SLC4A4: variants seen among roughly 807,000 people sequenced by gnomAD.
The protein encoded by SLC4A4 is electrogenic sodium bicarbonate cotransporter 1.
Under a neutral mutation model 111.5 loss-of-function variants are expected in SLC4A4, and 27 were observed. The observed-to-expected ratio is 0.24, with a 90% CI of 0.18 to 0.33. The LOEUF (loss-of-function observed/expected upper bound fraction) is 0.33, where lower values mean the gene tolerates loss of function less well. SLC4A4 is among the 10% of genes least tolerant of loss of function. The pLI is 1.00. For missense variants in SLC4A4, 909 were observed against 1,315.5 expected (o/e 0.69, Z 4.78); for synonymous variants, 443 against 463.4 (o/e 0.96, Z 0.57).
intron 2 of SLC4A4, among the ~76,000 whole-genome samples, chr4:71,253,634 A>G (rs1231678296): frequency 2.0e-5 from 3 of 152,128 alleles, no homozygotes; most frequent in Non-Finnish European, 4.4e-5. Flanking sequence ...ACAGGAAACA[A>G]TTGACACTGT....
chr4:71,230,473 A>G (rs1014998415), intron 1 of SLC4A4, among the ~76,000 whole-genome samples: 1 of 152,252 alleles, frequency 6.6e-6, no homozygotes, highest in Non-Finnish European at 1.5e-5. Context: ...TTGGCTATGC[A>G]CCAGAAAGCT....
chr4:71,082,903 G>A (rs1742032791), intron 1 of SLC4A4, among the ~76,000 whole-genome samples: 1 of 151,292 alleles, frequency 6.6e-6, no homozygotes. Flanking sequence ...ACCCAGACTG[G>A]AGTGCAGTCA....
intron 3 of SLC4A4, among the ~76,000 whole-genome samples, chr4:71,277,556 C>T (rs371166739): frequency 6.7e-6 from 1 of 148,304 alleles, no homozygotes; most frequent in Admixed American, 6.8e-5. Flanking sequence ...CTTTCTCTTT[C>T]TCTTTTTCTT....
At chr4:71,334,668 T>C (rs972889306) in intron 3 of SLC4A4, among the ~76,000 whole-genome samples, 1 of 152,220 alleles carries the variant, frequency 6.6e-6, no homozygotes, top group African/African-American at 2.4e-5. Flanking sequence ...CAGGTGCCTA[T>C]ATGTAATAAA....
chr4:71,089,959 G>A (rs191816469), intron 1 of SLC4A4, among the ~76,000 whole-genome samples: 36,335 of 83,048 alleles, frequency 0.44, 11,124 homozygotes, highest in East Asian at 0.65. Flanking sequence ...AGAGAATTCT[G>A]TTGCCTTTTG....
intron 2 of SLC4A4, among the ~76,000 whole-genome samples, chr4:71,122,261 C>T (rs907075691): frequency 2.7e-5 from 4 of 146,768 alleles, no homozygotes; most frequent in Non-Finnish European, 5.9e-5. Context: ...TGCAGTGAGC[C>T]GAGATCACGC....
At chr4:71,466,190 C>T (rs1727293372) in intron 12 of SLC4A4, among the ~76,000 whole-genome samples, 1 of 152,064 alleles carries the variant, frequency 6.6e-6, no homozygotes, top group South Asian at 2.1e-4. Flanking sequence ...TACACACCAG[C>T]CATCATAGTA....
chr4:71,332,546 G>A (rs1237780283), intron 3 of SLC4A4, among the ~76,000 whole-genome samples: 4 of 150,962 alleles, frequency 2.6e-5, no homozygotes, highest in East Asian at 2.0e-4. Context: ...CCGGGTTCAC[G>A]CCATTCTCCT....
chr4:71,419,171 G>T, intron 7 of SLC4A4, among the ~76,000 whole-genome samples: 1 of 152,210 alleles, frequency 6.6e-6, no homozygotes, highest in East Asian at 1.9e-4. Context: ...GAGGCAGTCT[G>T]CCCGTTCTCA....
chr4:71,357,221 T>A (rs1730362663), intron 6 of SLC4A4, 34 bp downstream of exon 6: 1 of 1,601,200 alleles, frequency 6.2e-7, no homozygotes, highest in Admixed American at 1.7e-5. Flanking sequence ...CTGCTTTCTC[T>A]TACTTATTTC....
At chr4:71,370,129 T>G (rs1029781223) in intron 6 of SLC4A4, among the ~76,000 whole-genome samples, 1 of 152,222 alleles carries the variant, frequency 6.6e-6, no homozygotes, top group African/African-American at 2.4e-5. Context: ...GCTATTTAAT[T>G]TTCTGAAGAA....
chr4:71,567,871 A>G lies in SLC4A4; in HGVS notation c.*120A>G. The G allele has an allele frequency of 3.3e-6, 5 of 1,524,268 alleles. No individual in the cohort carries two copies. The highest frequency in any genetic ancestry group is 4.4e-6 in the Non-Finnish European group (5 of 1,127,260). 94.4% of individuals were successfully genotyped at this position (1,524,268 alleles called of 1,614,324 possible). On this transcript the variant is annotated 3_prime_UTR_variant, in exon 26 of 26. Transcript: ENST00000264485. ...GACAATGATTATTTCTGGAGGAGCA[A>G]GGGAACAGAAACTACATTGTAACCT...
chr4:71,068,061 C>CTTTTTTTTTTTTTTTTTTTTTTTT lies in SLC4A4; in HGVS notation c.-65+5273_-65+5274insTTTTTTTTTTTTTTTTTTTTTTTT, dbSNP rs138059694. On this transcript the variant is annotated intron_variant, in intron 1 of 26. Coordinates refer to the SLC4A4 transcript ENST00000649996. ...ACTGCATATGGCCTTTTTGAACAAACGTTTTTTTTTTTTTTTTTTTGAGAT... is the reference window on the plus strand; with the variant it reads ...ACTGCATATGGCCTTTTTGAACAAACTTTTTTTTTTTTTTTTTTTTTTTTGTTTTTTTTTTTTTTTTTTTGAGAT... Among the ~76,000 whole-genome samples, 4 of 132,374 alleles carry CTTTTTTTTTTTTTTTTTTTTTTTT rather than the reference C, an allele frequency of 3.0e-5. 1 individual carries two copies. The highest frequency in any genetic ancestry group is 8.0e-5 in the Admixed American group (1 of 12,574). The allele number at this position is 132,374 out of a possible 152,430, so 86.8% of individuals were successfully genotyped here.
chr4:71,566,949 T>C (rs1430126183), intron 24 of SLC4A4, 55 bp from the exon 25 acceptor site: 48 of 1,463,270 alleles, frequency 3.3e-5, no homozygotes, highest in Non-Finnish European at 4.2e-5. Flanking sequence ...AGATTTTTGT[T>C]TTATACTTCA....
chr4:71,340,794 A>C (rs1364503758), intron 4 of SLC4A4, among the ~76,000 whole-genome samples: 1 of 149,630 alleles, frequency 6.7e-6, no homozygotes. Flanking sequence ...ATGGTATATA[A>C]AACATATATG....
At chr4:71,340,614 T>C (rs1728832699) in intron 4 of SLC4A4, among the ~76,000 whole-genome samples, 1 of 152,178 alleles carries the variant, frequency 6.6e-6, no homozygotes, top group African/African-American at 2.4e-5. Context: ...AAACCTGTAA[T>C]CTTTTAAATA....
rs566478459 is a variant in SLC4A4 at position 71,395,784 on chromosome 4, A to G, written c.731-1793A>G. The stretch of plus-strand genomic sequence containing the variant: ...CTTAATGGAAAACTGCTTTAAATTT[A>G]TTTCAGTACTGCCACTTACATATAA... On this transcript the variant is annotated intron_variant, in intron 6 of 25. Coordinates refer to ENST00000264485, the MANE Select transcript of SLC4A4 (RefSeq NM_001098484.3). 5.1e-4 allele frequency among the ~76,000 whole-genome samples: 77 copies of G among 152,314 alleles called. 1 individual carries two copies. Among genetic ancestry groups the G allele is most frequent in the Admixed American group, 1.2e-3 (19 of 15,296 alleles).
intron 1 of SLC4A4, among the ~76,000 whole-genome samples, chr4:71,072,131 T>C (rs1317440411): frequency 1.3e-5 from 2 of 152,198 alleles, no homozygotes; most frequent in Non-Finnish European, 2.9e-5. Flanking sequence ...GTTACAATCT[T>C]TTGTATAATA....
chr4:71,385,114 C>T (rs1426857778), intron 6 of SLC4A4, among the ~76,000 whole-genome samples: 1 of 145,676 alleles, frequency 6.9e-6, no homozygotes, highest in Non-Finnish European at 1.5e-5. Flanking sequence ...TTTGCTGCTT[C>T]CCTTCTAGAC....
Sources: allele counts gnomAD v4.1 joint callset (sites outside exome capture counted in the v4.1 genomes callset), GRCh38; gene constraint gnomAD v4.1.1; transcripts MANE v1.5; gene names NCBI Gene and HGNC (gene_info 2026-07-23, HGNC 2026-07-21).